SWAP70: variants seen among roughly 807,000 people sequenced by gnomAD.
SWAP70 encodes switching B cell complex subunit SWAP70, also known as switch-associated protein 70.
In SWAP70, 34 loss-of-function variants were observed where a neutral mutation model predicts 80.2. The observed-to-expected ratio is 0.42, with a 90% CI of 0.32 to 0.56. The LOEUF (loss-of-function observed/expected upper bound fraction) is 0.56. Ranked by LOEUF, SWAP70 falls within the 20% of genes least tolerant of loss-of-function variation. The pLI is 0.09. For missense variants in SWAP70, 578 were observed against 690.7 expected, an observed-to-expected ratio of 0.84 and a Z score of 1.83; for synonymous variants, 239 against 238.5, an observed-to-expected ratio of 1.00 and a Z score of -0.02.
intron 2 of SWAP70, among the ~76,000 whole-genome samples, chr11:9,709,468 A>G (rs1023208704): frequency 2.0e-5 from 3 of 152,178 alleles, no homozygotes; most frequent in African/African-American, 7.2e-5. Context: ...TTTACTAGCC[A>G]TGTGAACTTT....
chr11:9,707,077 A>T (rs184077432), intron 2 of SWAP70, among the ~76,000 whole-genome samples: 1 of 152,208 alleles, frequency 6.6e-6, no homozygotes, highest in Admixed American at 6.5e-5. Flanking sequence ...ATTTTGTTTG[A>T]CATTATACCT....
intron 1 of SWAP70, among the ~76,000 whole-genome samples, chr11:9,675,849 CG>C (rs1850493338): frequency 6.6e-6 from 1 of 152,104 alleles, no homozygotes. Flanking sequence ...GTTGAGAGTA[CG>C]TAGGCCTTTA....
chr11:9,747,312 A>G (rs780532794), intron 9 of SWAP70, among the ~76,000 whole-genome samples: 5 of 152,218 alleles, frequency 3.3e-5, no homozygotes, highest in East Asian at 1.9e-4. Context: ...GCATGTAGCA[A>G]TTGTTCAATA....
chr11:9,725,569 ATTTTTTTTT>A (rs746391271), intron 4 of SWAP70, among the ~76,000 whole-genome samples: 4 of 26,606 alleles, frequency 1.5e-4, no homozygotes, highest in Admixed American at 5.8e-4. Context: ...ATATATATAT[ATTTTTTTTT>A]TTTTTTTTTT....
Position 9,732,520 on chromosome 11 carries a change from CT to C in SWAP70, c.899-5del. 1.3e-6 allele frequency: 2 copies of C among 1,599,980 alleles called. No individual in the cohort carries two copies. Among genetic ancestry groups the C allele is most frequent in the South Asian group, 1.1e-5 (1 of 89,112 alleles). On this transcript the variant is annotated splice_region_variant and splice_polypyrimidine_tract_variant and intron_variant, in intron 6 of 11. Transcript: ENST00000318950. ...CCCCATTTTTTTTTTCCTCCTACACCTTTTACAGCCATTCATTCTACTATTC... is the reference window on the plus strand; with the variant it reads ...CCCCATTTTTTTTTTCCTCCTACACCTTTACAGCCATTCATTCTACTATTC...
rs1423500815 is a variant in SWAP70, at chr11:9,675,358, A to C, written c.99+11080A>C. ...GAGAGAGAGGGAGCGAGAGAGAGAG[A>C]GAGAGAGAGAGAGAGAGAGAGAGAG... is the stretch of plus-strand genomic sequence containing the variant. On this transcript the variant is annotated intron_variant, in intron 1 of 11. Transcript: ENST00000318950. Among the ~76,000 whole-genome samples the C allele has an allele frequency of 7.7e-3, 216 of 28,002 alleles. 1 individual carries two copies. Among genetic ancestry groups the C allele is most frequent in the African/African-American group, 0.022 (110 of 5,010 alleles). 18.4% of individuals were successfully genotyped at this position (28,002 alleles called of 152,430 possible). A position where few individuals can be genotyped will look rare whatever the true frequency, so the allele number is the denominator to read the frequency against.
At chr11:9,698,409 T>C (rs183510615) in intron 2 of SWAP70, among the ~76,000 whole-genome samples, 12 of 151,864 alleles carry the variant, frequency 7.9e-5, no homozygotes, top group Admixed American at 2.6e-4. Flanking sequence ...CCTGGGTTCT[T>C]TTTTTTGAGA....
intron 4 of SWAP70, among the ~76,000 whole-genome samples, chr11:9,725,567 A>ATTTTTTTTTTTT (rs1158096816): frequency 5.8e-5 from 1 of 17,316 alleles, no homozygotes; most frequent in African/African-American, 2.5e-4. Flanking sequence ...ATATATATAT[A>ATTTTTTTTTTTT]TATTTTTTTT....
At chr11:9,702,088 C>G (rs1177238603) in intron 2 of SWAP70, among the ~76,000 whole-genome samples, 1 of 152,218 alleles carries the variant, frequency 6.6e-6, no homozygotes, top group Non-Finnish European at 1.5e-5. Flanking sequence ...CAGTATGTCT[C>G]TCCTCCAGAG....
At chr11:9,739,814 C>A (rs187879840) in intron 8 of SWAP70, among the ~76,000 whole-genome samples, 36 of 152,178 alleles carry the variant, frequency 2.4e-4, no homozygotes, top group African/African-American at 8.2e-4. Context: ...AAGGTTCGTT[C>A]CTTTTAGAGA....
rs547367532 is a variant in SWAP70, at chr11:9,667,303, G to A, written c.99+3025G>A. On this transcript the variant is annotated intron_variant, in intron 1 of 11. Coordinates refer to ENST00000318950, the MANE Select transcript of SWAP70 (RefSeq NM_015055.4). ...GTCTTGCTGTGTCACCCAGGCTGGA[G>A]TGCAGTTGCACTATCTTGGCTCACT... 2.0e-5 allele frequency among the ~76,000 whole-genome samples: 3 copies of A among 152,130 alleles called. No homozygotes were observed. The South Asian group carries it at 6.2e-4, about 32-fold the overall frequency.
At chr11:9,747,815 G>A (rs377611578) in intron 9 of SWAP70, 43 bp from the exon 10 acceptor site, 16 of 1,599,192 alleles carry the variant, frequency 1.0e-5, no homozygotes, top group Non-Finnish European at 1.4e-5. Context: ...TCAGGGTGGT[G>A]ACCTGGGCAG....
chr11:9,711,624 C>T (rs4910493), intron 2 of SWAP70, among the ~76,000 whole-genome samples: 32,876 of 152,034 alleles, frequency 0.22, 4,708 homozygotes, highest in Non-Finnish European at 0.31. Flanking sequence ...AGATCATGGA[C>T]AGGGGCAGTG....
intron 1 of SWAP70, among the ~76,000 whole-genome samples, chr11:9,667,249 T>TGTGTGA (rs910208392): frequency 5.7e-4 from 86 of 151,672 alleles, no homozygotes; most frequent in Non-Finnish European, 9.3e-4. Flanking sequence ...TGTGTGTGTG[T>TGTGTGA]GAGAGAGAGA....
intron 1 of SWAP70, among the ~76,000 whole-genome samples, chr11:9,689,899 C>G (rs924979337): frequency 6.6e-6 from 1 of 152,176 alleles, no homozygotes; most frequent in Non-Finnish European, 1.5e-5. Context: ...GGGGTAGCAC[C>G]AGCACATCAC....
At chr11:9,725,663 C>G (rs1484025464) in intron 4 of SWAP70, among the ~76,000 whole-genome samples, 1 of 148,986 alleles carries the variant, frequency 6.7e-6, no homozygotes, top group Non-Finnish European at 1.5e-5. Flanking sequence ...CCTCCGCCTC[C>G]CGGGTTCAAA....
chr11:9,726,422 A>G (rs1851226292), intron 4 of SWAP70, among the ~76,000 whole-genome samples: 1 of 152,118 alleles, frequency 6.6e-6, no homozygotes, highest in African/African-American at 2.4e-5. Flanking sequence ...AATGGAGCAC[A>G]TCATAAATGT....
intron 7 of SWAP70, among the ~76,000 whole-genome samples, chr11:9,736,652 C>G (rs1590045711): frequency 1.3e-5 from 2 of 152,064 alleles, no homozygotes; most frequent in Admixed American, 6.5e-5. Context: ...CTGCGAAGAC[C>G]CTGATTTTTG....
rs762112984 is a variant in SWAP70 at position 9,694,125 on chromosome 11, C to T, written c.100-21C>T. On this transcript the variant is annotated intron_variant, in intron 1 of 11. Transcript: ENST00000318950. ...GTGCTGGTTAGTGGGAGTCTTTAAA[C>T]GATTTTCTTTTCCCTTGCAGGTCCT... is the stretch of plus-strand genomic sequence containing the variant. 19 of 1,577,040 alleles carry T rather than the reference C, an allele frequency of 1.2e-5. No homozygotes were observed. In the East Asian group the frequency reaches 2.3e-4, roughly 19 times the overall value.
Sources: gnomAD v4.1 joint callset for allele counts (sites outside exome capture counted in the v4.1 genomes callset) on GRCh38, gnomAD v4.1.1 for gene constraint, MANE v1.5 for transcripts, NCBI Gene and HGNC (gene_info 2026-07-23, HGNC 2026-07-21) for gene names.